The following CHM variants were observed in gnomAD, a reference collection of about 807,000 sequenced individuals.
CHM encodes CHM Rab escort protein.
In CHM, 10 loss-of-function variants were observed where a neutral mutation model predicts 49.0. That is an observed-to-expected ratio of 0.20 (90% CI 0.13 to 0.35). CHM has a LOEUF of 0.35. CHM is among the 10% of genes least tolerant of loss of function. The pLI is 1.00. For missense variants in CHM, 455 were observed against 478.4 expected (o/e 0.95, Z 0.46); for synonymous variants, 184 against 167.5 (o/e 1.10, Z -0.76).
intron 1 of CHM, among the ~76,000 whole-genome samples, chrX:86,040,588 C>G (rs1433092429): frequency 2.7e-5 from 3 of 112,120 alleles, no homozygotes; most frequent in Non-Finnish European, 5.6e-5. Flanking sequence ...GAATACATTA[C>G]CAACTTCAGC....
chrX:85,996,001 G>A (rs1215381280), intron 2 of CHM, among the ~76,000 whole-genome samples: 1 of 111,854 alleles, frequency 8.9e-6, no homozygotes, highest in African/African-American at 3.2e-5. Context: ...GTGAAGTTAC[G>A]TTTACTTTAT....
chrX:85,936,520 CA>C (rs1410728425), intron 8 of CHM, among the ~76,000 whole-genome samples: 1 of 111,654 alleles, frequency 9.0e-6, no homozygotes, highest in Non-Finnish European at 1.9e-5. Context: ...AACAACATGA[CA>C]AAGTTAGAAT....
intron 3 of CHM, 59 bp downstream of exon 3, chrX:85,981,678 G>A (rs1465218831): frequency 1.2e-6 from 1 of 820,171 alleles, no homozygotes; most frequent in Non-Finnish European, 1.8e-6. Context: ...TTCAGTGCAG[G>A]GTTACTATGT....
chrX:85,950,310 A>AG (rs1350730488), intron 8 of CHM, among the ~76,000 whole-genome samples: 1 of 104,009 alleles, frequency 9.6e-6, no homozygotes, highest in Non-Finnish European at 2.0e-5. Flanking sequence ...TATCAGAAAG[A>AG]GAATGTAAAA....
chrX:85,965,382 T>C (rs919869589), intron 4 of CHM, among the ~76,000 whole-genome samples: 3 of 112,083 alleles, frequency 2.7e-5, no homozygotes, highest in Admixed American at 9.5e-5. Flanking sequence ...TATTTATCCA[T>C]TCCTTTTTAA....
chrX:86,003,399 C>T (rs1489113035), intron 2 of CHM, among the ~76,000 whole-genome samples: 2 of 112,057 alleles, frequency 1.8e-5, no homozygotes, highest in Non-Finnish European at 3.8e-5. Context: ...CAAAGCTGGA[C>T]GGAGAATGAT....
intron 4 of CHM, among the ~76,000 whole-genome samples, chrX:85,974,842 ACCT>A (rs757409799): frequency 7.2e-5 from 8 of 111,584 alleles, no homozygotes; most frequent in Non-Finnish European, 1.5e-4. Context: ...GATAAATTAG[ACCT>A]CATCAAGATT....
chrX:85,985,819 G>A (rs892877593), intron 2 of CHM, among the ~76,000 whole-genome samples: 3 of 111,898 alleles, frequency 2.7e-5, no homozygotes, highest in African/African-American at 9.7e-5. Flanking sequence ...TACCATAGCA[G>A]CCCTACAGAA....
intron 8 of CHM, among the ~76,000 whole-genome samples, chrX:85,925,616 T>C (rs1346097092): frequency 9.0e-6 from 1 of 111,724 alleles, no homozygotes; most frequent in Non-Finnish European, 1.9e-5. Flanking sequence ...TCTTGGGCTC[T>C]TTCTCTGGTT....
At chrX:85,962,203 C>A (rs1930334102) in intron 5 of CHM, among the ~76,000 whole-genome samples, 2 of 112,167 alleles carry the variant, frequency 1.8e-5, no homozygotes, top group Admixed American at 9.5e-5. Context: ...TTTTGTTTAA[C>A]CTATTTCATA....
intron 1 of CHM, among the ~76,000 whole-genome samples, chrX:86,035,697 T>C (rs1276757608): frequency 9.1e-6 from 1 of 110,325 alleles, no homozygotes; most frequent in Admixed American, 9.7e-5. Context: ...ACAGATAGAA[T>C]GATACGATAT....
chrX:85,880,489 C>A (rs142078300), intron 12 of CHM, among the ~76,000 whole-genome samples: 1,797 of 111,101 alleles, frequency 0.016, 41 homozygotes, highest in African/African-American at 0.054. Flanking sequence ...CCAAAGTTCT[C>A]AATTTTCCAG....
rs370547780 is a variant in CHM at position 85,957,827 on chromosome X, G to A, written c.940+28C>T. The A allele has an allele frequency of 4.5e-5, 53 of 1,187,583 alleles. No individual in the cohort carries two copies. In the African/African-American group the frequency reaches 8.2e-4, roughly 18 times the overall value. ...AAATAGTAAGAAATGTCAAATAATT[G>A]GAGAGCACTACTTAATGAAAAAAAT... On this transcript the variant is annotated intron_variant, in intron 7 of 14. Coordinates refer to ENST00000357749, the MANE Select transcript of CHM (RefSeq NM_000390.4).
chrX:86,027,281 T>A (rs868105734), intron 2 of CHM: 2 of 267,455 alleles, frequency 7.5e-6, no homozygotes, highest in East Asian at 1.1e-4. Context: ...TTCTCAAAGA[T>A]CACTATTTCA....
chrX:85,871,304 C>CAAAAAAAAAAAAAAAAA (rs150005971), intron 14 of CHM, among the ~76,000 whole-genome samples: 2 of 62,067 alleles, frequency 3.2e-5, no homozygotes, highest in African/African-American at 1.4e-4. Flanking sequence ...AAGACTGTCT[C>CAAAAAAAAAAAAAAAAA]AAAAAAAAAA....
At chrX:86,039,510 CAAAAAAAA>C (rs769393073) in intron 1 of CHM, among the ~76,000 whole-genome samples, 1 of 40,209 alleles carries the variant, frequency 2.5e-5, no homozygotes, top group Non-Finnish European at 4.8e-5. Flanking sequence ...TGGCCTAGAC[CAAAAAAAA>C]AAAAAAAAAA....
intron 5 of CHM, among the ~76,000 whole-genome samples, chrX:85,963,049 T>C (rs1168782948): frequency 2.7e-5 from 3 of 111,546 alleles, no homozygotes; most frequent in African/African-American, 9.8e-5. Context: ...GTGCAGAAAG[T>C]GCAGATTTGT....
intron 14 of CHM, among the ~76,000 whole-genome samples, chrX:85,869,928 T>G (rs1017496779): frequency 4.4e-5 from 5 of 112,586 alleles, no homozygotes; most frequent in African/African-American, 1.6e-4. Flanking sequence ...AAAATATTTC[T>G]ATGTTTAGTT....
intron 6 of CHM, 47 bp from the exon 7 acceptor site, chrX:85,958,022 A>G (rs12009059): frequency 8.4e-7 from 1 of 1,187,475 alleles, no homozygotes; most frequent in South Asian, 1.8e-5. Context: ...TCCTAATGAT[A>G]TAACTATTCC....
Sources: allele counts gnomAD v4.1 joint callset (sites outside exome capture counted in the v4.1 genomes callset), GRCh38; gene constraint gnomAD v4.1.1; transcripts MANE v1.5; gene names NCBI Gene and HGNC (gene_info 2026-07-23, HGNC 2026-07-21).